The following NYAP2 variants were observed in gnomAD, a reference collection of about 807,000 sequenced individuals.
NYAP2 encodes neuronal tyrosine-phosphorylated phosphoinositide-3-kinase adapter 2.
In NYAP2, 23 loss-of-function variants were observed where a neutral mutation model predicts 50.4. The observed-to-expected ratio is 0.46, with a 90% CI of 0.33 to 0.65. The LOEUF (loss-of-function observed/expected upper bound fraction) is 0.65, where lower values mean the gene tolerates loss of function less well. Among genes scored for constraint, NYAP2 ranks in the 30% least tolerant of loss-of-function variants. The probability of loss-of-function intolerance (pLI) is 0.02; values close to 1 mark genes in which losing one functional copy is unlikely to be tolerated. For synonymous variants in NYAP2, 394 were observed against 365.2 expected, an observed-to-expected ratio of 1.08 and a Z score of -0.90; for missense variants, 885 against 861.0, an observed-to-expected ratio of 1.03 and a Z score of -0.35.
the NYAP2 span, among the ~76,000 whole-genome samples, chr2:225,693,785 A>G: frequency 8.6e-5 from 13 of 152,010 alleles, no homozygotes; most frequent in Non-Finnish European, 1.5e-4. Flanking sequence ...CAGGATCCCA[A>G]CATAAGAATT....
At chr2:225,408,961 G>A in exon 3 of NYAP2, 2 of 1,612,080 alleles carry the variant, frequency 1.2e-6, no homozygotes, top group Non-Finnish European at 1.7e-6. Context: ...AGGATATGGG[G>A]ATGAAGGCCT....
chr2:225,522,431 C>G (rs6724381), intron 4 of NYAP2, among the ~76,000 whole-genome samples: 1 of 151,856 alleles, frequency 6.6e-6, no homozygotes, highest in Non-Finnish European at 1.5e-5. Context: ...ATTGGGATAC[C>G]TGCTACAATA....
intron 2 of NYAP2, among the ~76,000 whole-genome samples, chr2:225,403,252 C>T (rs1694891743): frequency 6.6e-6 from 1 of 151,942 alleles, no homozygotes; most frequent in Non-Finnish European, 1.5e-5. Context: ...CTAATAACTT[C>T]CTCACAGCAT....
intron 6 of NYAP2, among the ~76,000 whole-genome samples, chr2:225,634,278 G>A (rs1027607550): frequency 9.2e-5 from 14 of 152,110 alleles, no homozygotes; most frequent in Non-Finnish European, 2.1e-4. Flanking sequence ...GGCTTTATGC[G>A]CCATATGGTT....
chr2:225,457,638 G>A (rs1689760118), intron 3 of NYAP2, among the ~76,000 whole-genome samples: 1 of 152,138 alleles, frequency 6.6e-6, no homozygotes, highest in Admixed American at 6.5e-5. Context: ...CAGACTGAAA[G>A]TGTTTAGCTA....
At chr2:225,639,590 C>T (rs1693489835) in intron 6 of NYAP2, among the ~76,000 whole-genome samples, 1 of 152,106 alleles carries the variant, frequency 6.6e-6, no homozygotes, top group South Asian at 2.1e-4. Flanking sequence ...ACTCCTACTA[C>T]AGCTCTCTTC....
At chr2:225,650,302 C>T (rs551838332) in intron 6 of NYAP2, among the ~76,000 whole-genome samples, 14 of 152,310 alleles carry the variant, frequency 9.2e-5, no homozygotes, top group African/African-American at 3.1e-4. Context: ...AGTGCACCTC[C>T]CCAGCGTGAG....
chr2:225,672,159 C>G, the NYAP2 span, among the ~76,000 whole-genome samples: 1 of 152,142 alleles, frequency 6.6e-6, no homozygotes. Flanking sequence ...TGACTTCTCT[C>G]TAGCTAGGAA....
chr2:225,587,112 C>G lies in NYAP2; in HGVS notation c.1618+4077C>G, dbSNP rs539798883. Among the ~76,000 whole-genome samples the G allele has an allele frequency of 5.9e-5, 9 of 152,234 alleles. No homozygotes were observed. The East Asian group carries it at 1.5e-3, about 26-fold the overall frequency. On this transcript the variant is annotated intron_variant, in intron 5 of 6. Transcript: ENST00000636099. ...AAGAACAGCATGGGGAAAACCACCC[C>G]CATGATTCAATCACCTCCCACCTGG...
chr2:225,648,998 A>G (rs1693685182), intron 6 of NYAP2, among the ~76,000 whole-genome samples: 1 of 152,208 alleles, frequency 6.6e-6, no homozygotes, highest in Admixed American at 6.5e-5. Context: ...CACAGGTGGA[A>G]AGAGAGTCAT....
chr2:225,657,102 CTTT>C (rs375126014), downstream of NYAP2, among the ~76,000 whole-genome samples: 3 of 101,068 alleles, frequency 3.0e-5, no homozygotes, highest in Non-Finnish European at 3.7e-5. Context: ...AATCTAATTC[CTTT>C]TTTTTTTTTT....
At chr2:225,537,417 C>T (rs1198106438) in intron 4 of NYAP2, among the ~76,000 whole-genome samples, 5 of 152,156 alleles carry the variant, frequency 3.3e-5, no homozygotes, top group African/African-American at 9.7e-5. Context: ...TACAGTTCCA[C>T]ATGGCTGGGG....
rs560637948 is a variant in NYAP2, at chr2:225,412,255, CTTTTTTTTTTT to C, written c.221+3170_221+3180del. 2.4e-4 allele frequency among the ~76,000 whole-genome samples: 14 copies of C among 59,150 alleles called. No homozygotes were observed. The South Asian group carries it at 6.8e-3, about 29-fold the overall frequency. 38.8% of individuals were successfully genotyped at this position (59,150 alleles called of 152,430 possible). ...TACAGGCGTGAGCCACTGCGCCCGG[CTTTTTTTTTTT>C]TTTTTTTTTTTTTTTAACAAAAATT... On this transcript the variant is annotated intron_variant, in intron 3 of 6. Coordinates refer to ENST00000636099, the Ensembl canonical transcript of NYAP2.
Position 225,582,163 on chromosome 2 carries a change from T to G in NYAP2, c.746T>G (p.Val249Gly). The change falls in exon 5 of 7, where the codon GTG becomes GGG. Residue 249 changes from valine (V) to glycine (G), a missense_variant. Coordinates refer to ENST00000636099, the Ensembl canonical transcript of NYAP2. This position sits in a 1 kb window ranked among gnomAD's most constrained non-coding sequence, Gnocchi z 7.0. Reference sequence around the variant, plus strand: ...GAGGAGCCCGTGTACATCGAGATGGTGGGGAACATTCTCAGAGACTTCAGG... The same window carrying G: ...GAGGAGCCCGTGTACATCGAGATGGGGGGGAACATTCTCAGAGACTTCAGG... 6.2e-7 allele frequency: 1 copy of G among 1,613,944 alleles called. No homozygotes were observed. The highest frequency in any genetic ancestry group is 8.5e-7 in the Non-Finnish European group (1 of 1,179,852).
At chr2:225,685,634 A>T in the NYAP2 span, among the ~76,000 whole-genome samples, 1 of 152,058 alleles carries the variant, frequency 6.6e-6, no homozygotes, top group African/African-American at 2.4e-5. Context: ...AATATGTCAC[A>T]TTTTTTTCTA....
chr2:225,630,120 A>G (rs1379386622), intron 6 of NYAP2, among the ~76,000 whole-genome samples: 8 of 152,170 alleles, frequency 5.3e-5, no homozygotes, highest in African/African-American at 1.2e-4. Flanking sequence ...AGTCTATGGG[A>G]TGGAACAAAG....
At chr2:225,452,438 A>G (rs1409914250) in intron 3 of NYAP2, among the ~76,000 whole-genome samples, 2 of 152,184 alleles carry the variant, frequency 1.3e-5, no homozygotes, top group Non-Finnish European at 2.9e-5. Flanking sequence ...ACAATTCATT[A>G]AGTCCCCAAG....
At chr2:225,444,065 A>G (rs796662669) in intron 3 of NYAP2, among the ~76,000 whole-genome samples, 6 of 152,320 alleles carry the variant, frequency 3.9e-5, no homozygotes, top group African/African-American at 1.4e-4. Flanking sequence ...TCATAATGAC[A>G]ATCATCTGCT....
intron 4 of NYAP2, among the ~76,000 whole-genome samples, chr2:225,580,703 C>A (rs972750935): frequency 3.9e-5 from 6 of 152,042 alleles, no homozygotes; most frequent in Non-Finnish European, 4.4e-5. Flanking sequence ...CTAGCTTATC[C>A]TTAAGCACTT....
Sources: gnomAD v4.1 joint callset for allele counts (sites outside exome capture counted in the v4.1 genomes callset) on GRCh38, gnomAD v4.1.1 for gene constraint, Gnocchi (gnomAD v3.1) non-coding constraint, MANE v1.5 for transcripts, NCBI Gene and HGNC (gene_info 2026-07-23, HGNC 2026-07-21) for gene names.